The following ST6GAL1 variants were observed in gnomAD, a reference collection of about 807,000 sequenced individuals.
The protein encoded by ST6GAL1 is ST6 beta-galactoside alpha-2,6-sialyltransferase 1, also known as beta-galactoside alpha-2,6-sialyltransferase 1.
A neutral mutation model predicts 38.0 loss-of-function variants in ST6GAL1; 20 were observed. The ratio of observed to expected loss-of-function variants is 0.53; its 90% CI spans 0.37 to 0.77. The LOEUF is 0.77. Ranked by LOEUF, ST6GAL1 falls within the 30% of genes least tolerant of loss-of-function variation. The pLI is 0.00. For missense variants in ST6GAL1, 432 were observed against 496.4 expected, an observed-to-expected ratio of 0.87 and a Z score of 1.23; for synonymous variants, 196 against 188.2, an observed-to-expected ratio of 1.04 and a Z score of -0.34.
At chr3:187,046,938 T>C (rs915538495) in intron 4 of ST6GAL1, among the ~76,000 whole-genome samples, 1 of 152,172 alleles carries the variant, frequency 6.6e-6, no homozygotes, top group African/African-American at 2.4e-5. Context: ...GATTTGTCCT[T>C]CAAGTCATAG....
chr3:187,013,961 G>T (rs7619989), intron 2 of ST6GAL1, among the ~76,000 whole-genome samples: 7 of 152,004 alleles, frequency 4.6e-5, no homozygotes, highest in Admixed American at 2.6e-4. Flanking sequence ...ATGACACTCC[G>T]GAAAATTTCA....
intron 2 of ST6GAL1, among the ~76,000 whole-genome samples, chr3:186,969,215 G>A (rs1037777597): frequency 4.6e-5 from 7 of 151,470 alleles, no homozygotes; most frequent in African/African-American, 1.7e-4. Context: ...ACCATGCCTG[G>A]CCTATTTTTG....
chr3:186,971,549 A>G (rs868503431), intron 2 of ST6GAL1, among the ~76,000 whole-genome samples: 1 of 152,226 alleles, frequency 6.6e-6, no homozygotes, highest in Non-Finnish European at 1.5e-5. Context: ...TGTTGGAAGC[A>G]AGAAGATTTG....
intron 5 of ST6GAL1, chr3:187,072,564 G>A (rs556240566): frequency 1.5e-4 from 56 of 380,372 alleles, no homozygotes; most frequent in East Asian, 5.0e-4. Flanking sequence ...CTGGGATGCC[G>A]TGCTATTTTC....
intron 1 of ST6GAL1, among the ~76,000 whole-genome samples, chr3:186,948,267 G>A (rs1046225187): frequency 2.2e-4 from 34 of 152,248 alleles, no homozygotes; most frequent in Admixed American, 2.2e-3. Flanking sequence ...CCAGTGGTCT[G>A]AAAGAGGGAC....
chr3:186,954,837 A>T (rs1175844292), intron 1 of ST6GAL1, among the ~76,000 whole-genome samples: 1 of 152,194 alleles, frequency 6.6e-6, no homozygotes, highest in East Asian at 1.9e-4. Flanking sequence ...TAGTTTAATC[A>T]GATCCCATTT....
chr3:186,984,743 C>CCTTCCTCCCTTCCTTCCTTCT (rs1553821490), intron 2 of ST6GAL1, among the ~76,000 whole-genome samples: 2 of 28,456 alleles, frequency 7.0e-5, no homozygotes, highest in African/African-American at 2.4e-4. Context: ...TCCTTCCTTC[C>CCTTCCTCCCTTCCTTCCTTCT]CTCCCTCCCT....
intron 2 of ST6GAL1, among the ~76,000 whole-genome samples, chr3:187,023,575 G>T (rs980259395): frequency 1.3e-5 from 2 of 152,280 alleles, no homozygotes; most frequent in South Asian, 4.1e-4. Flanking sequence ...ATGAGTTCAC[G>T]TCCTTTGTAG....
At chr3:186,988,376 CTGACGGAAAATT>C (rs1056705695) in intron 2 of ST6GAL1, among the ~76,000 whole-genome samples, 2 of 152,042 alleles carry the variant, frequency 1.3e-5, no homozygotes, top group Non-Finnish European at 2.9e-5. Context: ...GTTGATCACA[CTGACGGAAAATT>C]TGAAGCTGAG....
At chr3:186,988,349 T>G (rs535000475) in intron 2 of ST6GAL1, among the ~76,000 whole-genome samples, 56 of 152,162 alleles carry the variant, frequency 3.7e-4, no homozygotes, top group African/African-American at 1.1e-3. Context: ...TGATTTAGAT[T>G]AACACATAAA....
At chr3:187,005,544 G>A (rs931335226) in intron 2 of ST6GAL1, among the ~76,000 whole-genome samples, 1 of 151,930 alleles carries the variant, frequency 6.6e-6, no homozygotes, top group African/African-American at 2.4e-5. Context: ...CAAAGTGCTG[G>A]GATTACAGGC....
At chr3:187,012,235 T>C (rs1334207099) in intron 2 of ST6GAL1, among the ~76,000 whole-genome samples, 1 of 152,058 alleles carries the variant, frequency 6.6e-6, no homozygotes, top group African/African-American at 2.4e-5. Flanking sequence ...GTGCTTTGTC[T>C]GTATTTACTG....
chr3:186,978,811 C>G (rs1205008609), intron 2 of ST6GAL1, among the ~76,000 whole-genome samples: 1 of 152,086 alleles, frequency 6.6e-6, no homozygotes, highest in East Asian at 1.9e-4. Context: ...CCCTTATACC[C>G]TGTCCCACCT....
intron 4 of ST6GAL1, among the ~76,000 whole-genome samples, chr3:187,047,253 GTT>G (rs11363479): frequency 0.013 from 1,936 of 146,056 alleles, 38 homozygotes; most frequent in African/African-American, 0.045. Flanking sequence ...CCAAGTCATA[GTT>G]TTTTTTTTTT....
At chr3:187,041,138 C>G (rs1718112391) in intron 3 of ST6GAL1, among the ~76,000 whole-genome samples, 2 of 152,342 alleles carry the variant, frequency 1.3e-5, no homozygotes, top group South Asian at 2.1e-4. Context: ...CCAATGAATA[C>G]CATGCTCTTG....
chr3:186,960,209 G>T (rs145628616), intron 1 of ST6GAL1, among the ~76,000 whole-genome samples: 3 of 152,198 alleles, frequency 2.0e-5, no homozygotes, highest in Non-Finnish European at 4.4e-5. Flanking sequence ...GCCCAAGGCA[G>T]CCTCTCATTT....
intron 2 of ST6GAL1, among the ~76,000 whole-genome samples, chr3:186,976,053 C>T (rs779121396): frequency 3.3e-5 from 5 of 152,228 alleles, no homozygotes; most frequent in Admixed American, 6.5e-5. Context: ...AGGGTCTCCA[C>T]GGGCTCGCTA....
At chr3:187,018,277 G>A (rs375809162) in intron 2 of ST6GAL1, among the ~76,000 whole-genome samples, 136 of 152,274 alleles carry the variant, frequency 8.9e-4, no homozygotes, top group African/African-American at 3.2e-3. Context: ...GCTGTTGGGG[G>A]TGGTTTTTCT....
intron 2 of ST6GAL1, chr3:187,024,637 G>A (rs1379641139): frequency 1.3e-5 from 2 of 152,080 alleles, no homozygotes; most frequent in African/African-American, 4.8e-5. Flanking sequence ...ACAGAGCAGA[G>A]AGGAGAACAT....
Sources: gnomAD v4.1 joint callset for allele counts (sites outside exome capture counted in the v4.1 genomes callset) on GRCh38, gnomAD v4.1.1 for gene constraint, MANE v1.5 for transcripts, NCBI Gene and HGNC (gene_info 2026-07-23, HGNC 2026-07-21) for gene names.